CMSS1: variants seen among roughly 807,000 people sequenced by gnomAD.
CMSS1 encodes cms1 ribosomal small subunit homolog.
In CMSS1, 33 loss-of-function variants were observed where a neutral mutation model predicts 43.5. That is an observed-to-expected ratio of 0.76 (90% CI 0.57 to 1.01). The LOEUF (loss-of-function observed/expected upper bound fraction) is 1.01. Ranked by LOEUF, CMSS1 falls within the 50% of genes least tolerant of loss-of-function variation. The pLI is 0.00. For missense variants in CMSS1, 313 were observed against 326.4 expected (o/e 0.96, Z 0.32); for synonymous variants, 115 against 117.2 (o/e 0.98, Z 0.12).
intron 1 of CMSS1, among the ~76,000 whole-genome samples, chr3:99,971,056 G>T (rs1245289972): frequency 6.6e-6 from 1 of 152,204 alleles, no homozygotes; most frequent in Non-Finnish European, 1.5e-5. Flanking sequence ...AGAATATGGG[G>T]GCTGGGCGTG....
Position 99,888,875 on chromosome 3 carries a change from TCTTTA to T in CMSS1, c.64+70836_64+70840del, listed in dbSNP as rs1218916597. Among the ~76,000 whole-genome samples, 3 of 152,220 alleles carry T rather than the reference TCTTTA, an allele frequency of 2.0e-5. No individual in the cohort carries two copies. The East Asian group carries it at 5.8e-4, about 29-fold the overall frequency. On this transcript the variant is annotated intron_variant, in intron 1 of 9. Transcript: ENST00000421999. ...TCCATGATCTTATTGGGCTTTCATC[TCTTTA>T]CTTAGTTGTTTAGAATTGTGCTTCT...
At chr3:100,059,940 G>A (rs539769441) in intron 1 of CMSS1, among the ~76,000 whole-genome samples, 10 of 151,958 alleles carry the variant, frequency 6.6e-5, no homozygotes, top group South Asian at 4.2e-4. Context: ...TTCTGGCCTC[G>A]TTAGTGAGGT....
intron 1 of CMSS1, among the ~76,000 whole-genome samples, chr3:99,824,436 G>A (rs1393231376): frequency 6.6e-6 from 1 of 152,216 alleles, no homozygotes; most frequent in Non-Finnish European, 1.5e-5. Flanking sequence ...GCAGTAGACT[G>A]TAAGAGCTCC....
intron 4 of CMSS1, among the ~76,000 whole-genome samples, chr3:100,165,587 C>T (rs146009487): frequency 7.2e-5 from 11 of 152,202 alleles, no homozygotes; most frequent in Middle Eastern, 3.4e-3. Context: ...ATATCTAGTT[C>T]ATTGCTTCTA....
At chr3:100,010,241 G>GT (rs931651813) in intron 1 of CMSS1, 63 of 483,396 alleles carry the variant, frequency 1.3e-4, no homozygotes, top group South Asian at 1.8e-4. Context: ...TTCTCAGTAT[G>GT]TTTTTCCCCC....
chr3:99,860,404 C>A (rs1159754017), intron 1 of CMSS1, among the ~76,000 whole-genome samples: 2 of 152,080 alleles, frequency 1.3e-5, no homozygotes, highest in Non-Finnish European at 2.9e-5. Flanking sequence ...AATCAGGATT[C>A]TAAAAAGCGG....
At chr3:99,945,685 CA>C (rs2107681769) in intron 1 of CMSS1, among the ~76,000 whole-genome samples, 1 of 152,304 alleles carries the variant, frequency 6.6e-6, no homozygotes, top group Non-Finnish European at 1.5e-5. Flanking sequence ...TTTCAGCATG[CA>C]AAACCCAGAC....
chr3:99,959,096 A>T (rs907002649), intron 1 of CMSS1, among the ~76,000 whole-genome samples: 6 of 152,070 alleles, frequency 3.9e-5, no homozygotes, highest in South Asian at 2.1e-4. Flanking sequence ...ATGGTAATTT[A>T]AAAAAAATTC....
intron 1 of CMSS1, among the ~76,000 whole-genome samples, chr3:99,956,089 T>C (rs1328878620): frequency 6.6e-6 from 1 of 152,184 alleles, no homozygotes; most frequent in African/African-American, 2.4e-5. Flanking sequence ...ATGGGTCCTG[T>C]CAATAATAGA....
At chr3:100,087,775 T>C (rs2066036344) in intron 1 of CMSS1, among the ~76,000 whole-genome samples, 1 of 151,938 alleles carries the variant, frequency 6.6e-6, no homozygotes, top group African/African-American at 2.4e-5. Flanking sequence ...TCTGGTATTG[T>C]ACCTAAGGAA....
intron 1 of CMSS1, among the ~76,000 whole-genome samples, chr3:100,074,291 A>G (rs1304152632): frequency 2.6e-5 from 4 of 152,126 alleles, no homozygotes; most frequent in Non-Finnish European, 4.4e-5. Context: ...CCAAAATGCA[A>G]GGCAAAGGTT....
chr3:100,153,287 A>G (rs1374036776), intron 2 of CMSS1, among the ~76,000 whole-genome samples: 1 of 152,244 alleles, frequency 6.6e-6, no homozygotes, highest in Non-Finnish European at 1.5e-5. Context: ...TGGCATATAA[A>G]TGGAATCATA....
chr3:100,092,068 C>G (rs1015753266), intron 1 of CMSS1, among the ~76,000 whole-genome samples: 2 of 152,092 alleles, frequency 1.3e-5, no homozygotes, highest in African/African-American at 4.8e-5. Context: ...TTTCATAGGG[C>G]TATTATGAGC....
intron 1 of CMSS1, among the ~76,000 whole-genome samples, chr3:99,948,345 A>G (rs571983578): frequency 1.3e-5 from 2 of 152,132 alleles, no homozygotes; most frequent in South Asian, 4.2e-4. Context: ...TAAAAAAATT[A>G]AAAAATTTTT....
chr3:100,018,374 G>A (rs1441405240), intron 1 of CMSS1, among the ~76,000 whole-genome samples: 1 of 152,062 alleles, frequency 6.6e-6, no homozygotes, highest in African/African-American at 2.4e-5. Context: ...ATTAAAGTGT[G>A]AGAAATTAAA....
intron 1 of CMSS1, among the ~76,000 whole-genome samples, chr3:99,944,347 C>T (rs1707942581): frequency 6.6e-6 from 1 of 152,166 alleles, no homozygotes; most frequent in South Asian, 2.1e-4. Context: ...ACTTCTTGGT[C>T]CAAGCTGGCT....
At chr3:99,875,075 A>G (rs1292188787) in intron 1 of CMSS1, among the ~76,000 whole-genome samples, 1 of 152,246 alleles carries the variant, frequency 6.6e-6, no homozygotes, top group Non-Finnish European at 1.5e-5. Flanking sequence ...ATTTTACAAT[A>G]TATGTTTAGA....
chr3:99,830,611 A>G (rs569095045), intron 1 of CMSS1: 182 of 456,544 alleles, frequency 4.0e-4, no homozygotes, highest in African/African-American at 3.1e-3. Context: ...TTGATCTTGA[A>G]TTAAACAAGA....
chr3:99,830,011 T>G (rs898230206), intron 1 of CMSS1: 2 of 152,956 alleles, frequency 1.3e-5, no homozygotes, highest in Non-Finnish European at 2.9e-5. Flanking sequence ...ATTAGGAATT[T>G]TTGCTATCAC....
Sources: gnomAD v4.1 joint callset for allele counts (sites outside exome capture counted in the v4.1 genomes callset) on GRCh38, gnomAD v4.1.1 for gene constraint, MANE v1.5 for transcripts, NCBI Gene and HGNC (gene_info 2026-07-23, HGNC 2026-07-21) for gene names.